Variants in USO1 observed in about 807,000 individuals in gnomAD.
USO1 encodes USO1 vesicle transport factor, also known as general vesicular transport factor p115.
In USO1, 57 loss-of-function variants were observed where a neutral mutation model predicts 124.5. That is an observed-to-expected ratio of 0.46 (90% CI 0.37 to 0.57). USO1 has a LOEUF of 0.57. USO1 is among the 20% of genes least tolerant of loss of function. USO1 has a pLI of 0.00. For synonymous variants in USO1, 369 were observed against 362.8 expected (o/e 1.02, Z -0.19); for missense variants, 900 against 1,040.6 (o/e 0.86, Z 1.86).
intron 1 of USO1, among the ~76,000 whole-genome samples, chr4:75,747,278 AATT>A (rs1227529329): frequency 1.3e-5 from 2 of 152,072 alleles, no homozygotes; most frequent in Non-Finnish European, 2.9e-5. Context: ...TTCTTTTTAA[AATT>A]ATTATTATAT....
Position 75,812,156 on chromosome 4 carries a change from CT to C in USO1, c.2584-3del. ...ATTCCTGCCTTTCACCTTTCTTTTCCTAGAATGAAATTAAAGCTCTGTCTGA... is the reference window on the plus strand; with the variant it reads ...ATTCCTGCCTTTCACCTTTCTTTTCCAGAATGAAATTAAAGCTCTGTCTGA... On this transcript the variant is annotated splice_region_variant and splice_polypyrimidine_tract_variant and intron_variant, in intron 22 of 23. Coordinates refer to ENST00000514213, the MANE Select transcript of USO1 (RefSeq NM_003715.4). 1 of 1,593,652 alleles carries C rather than the reference CT, an allele frequency of 6.3e-7. No individual in the cohort carries two copies. Among genetic ancestry groups the C allele is most frequent in the Non-Finnish European group, 8.5e-7 (1 of 1,169,722 alleles).
intron 20 of USO1, among the ~76,000 whole-genome samples, chr4:75,806,939 T>A (rs1484027438): frequency 6.6e-6 from 1 of 152,146 alleles, no homozygotes; most frequent in Non-Finnish European, 1.5e-5. Flanking sequence ...ATGGGGTTTT[T>A]AAACTGTTTT....
chr4:75,809,915 A>G (rs1347592055), intron 21 of USO1, among the ~76,000 whole-genome samples: 1 of 152,130 alleles, frequency 6.6e-6, no homozygotes, highest in African/African-American at 2.4e-5. Context: ...ACATTTTTAG[A>G]TATTTGTTGT....
chr4:75,724,912 T>G lies in USO1; in HGVS notation c.66+27T>G, dbSNP rs2149130860. 4 of 1,610,404 alleles carry G rather than the reference T, an allele frequency of 2.5e-6. No individual in the cohort carries two copies. The Admixed American group carries it at 6.7e-5, about 27-fold the overall frequency. On this transcript the variant is annotated intron_variant, in intron 1 of 23. Transcript: ENST00000514213. The stretch of plus-strand genomic sequence containing the variant: ...TGAGAGGAGCAGCGGGTCTGGGACT[T>G]GGGAAGGGGTCCGGGCAGGGACGGG...
chr4:75,750,183 C>G (rs1577935867), intron 1 of USO1, among the ~76,000 whole-genome samples: 1 of 152,112 alleles, frequency 6.6e-6, no homozygotes, highest in East Asian at 1.9e-4. Context: ...CCTGTAATCC[C>G]AGCACTTTGG....
rs552494556 is a variant in USO1 at position 75,733,327 on chromosome 4, C to G, written c.66+8442C>G. On this transcript the variant is annotated intron_variant, in intron 1 of 23. Coordinates refer to ENST00000514213, the MANE Select transcript of USO1 (RefSeq NM_003715.4). ...ATGACAAATATTTGTTGAAAAAATA[C>G]AGTAGTGAGACTGCTGGGTCGAATG... is the stretch of plus-strand genomic sequence containing the variant. Among the ~76,000 whole-genome samples the G allele has an allele frequency of 1.0e-3, 156 of 152,196 alleles. 4 individuals carry two copies. In the South Asian group the frequency reaches 0.03, roughly 30 times the overall value.
At chr4:75,729,912 T>C in intron 1 of USO1, 1 of 409,438 alleles carries the variant, frequency 2.4e-6, no homozygotes, top group African/African-American at 2.1e-5. Context: ...TTAAAGAGTG[T>C]GGACTTAAAT....
Position 75,813,319 on chromosome 4 carries a change from G to A in USO1, c.*24G>A, listed in dbSNP as rs1723204211. Reference sequence around the variant, plus strand: ...AGTTTTCAAATCTCTAGGAACAATAGAGATTATATCATAACTCTGAAGATG... The same window carrying A: ...AGTTTTCAAATCTCTAGGAACAATAAAGATTATATCATAACTCTGAAGATG... On this transcript the variant is annotated 3_prime_UTR_variant, in exon 24 of 24. Transcript: ENST00000514213. 6.4e-7 allele frequency: 1 copy of A among 1,564,940 alleles called. No individual in the cohort carries two copies. The highest frequency in any genetic ancestry group is 1.4e-5 in the African/African-American group (1 of 71,922).
In USO1 at chr4:75,777,565, A is replaced by G. The variant is rs141014512; in HGVS notation, c.676+2769A>G. The stretch of plus-strand genomic sequence containing the variant: ...CAGACATCTCACCAAAAAGATATAC[A>G]GATGGCAAATGACCATATGAAAAGA... On this transcript the variant is annotated intron_variant, in intron 8 of 23. Transcript: ENST00000514213. Among the ~76,000 whole-genome samples, 216 of 152,362 alleles carry G rather than the reference A, an allele frequency of 1.4e-3. 1 individual carries two copies. Among genetic ancestry groups the G allele is most frequent in the South Asian group, 7.2e-3 (35 of 4,832 alleles).
At chr4:75,742,345 AT>A (rs1222133075) in intron 1 of USO1, among the ~76,000 whole-genome samples, 4 of 152,260 alleles carry the variant, frequency 2.6e-5, no homozygotes, top group Non-Finnish European at 5.9e-5. Context: ...GGTGATAGGA[AT>A]TTTGCATTTC....
At chr4:75,727,972 G>T (rs1720513094) in intron 1 of USO1, among the ~76,000 whole-genome samples, 1 of 152,064 alleles carries the variant, frequency 6.6e-6, no homozygotes, top group Non-Finnish European at 1.5e-5. Flanking sequence ...TTTAGGGCAG[G>T]GTTCATAATG....
At chr4:75,768,118 G>C (rs887710626) in intron 4 of USO1, among the ~76,000 whole-genome samples, 3 of 152,114 alleles carry the variant, frequency 2.0e-5, no homozygotes, top group African/African-American at 7.2e-5. Context: ...CTGGGCTCAA[G>C]GGATCCTCCC....
chr4:75,761,238 T>A (rs1412237674), intron 4 of USO1, among the ~76,000 whole-genome samples: 2 of 152,106 alleles, frequency 1.3e-5, no homozygotes, highest in Non-Finnish European at 2.9e-5. Flanking sequence ...TGGAAAAAAG[T>A]TTTTAGACAG....
At chr4:75,741,601 C>CTTTT (rs34702586) in intron 1 of USO1, among the ~76,000 whole-genome samples, 13 of 78,844 alleles carry the variant, frequency 1.6e-4, no homozygotes, top group Non-Finnish European at 2.5e-4. Context: ...ACTTTTTAAA[C>CTTTT]TTTTTTTTTT....
At chr4:75,777,668 A>C (rs1303529577) in intron 8 of USO1, among the ~76,000 whole-genome samples, 1 of 152,210 alleles carries the variant, frequency 6.6e-6, no homozygotes. Flanking sequence ...GAATGAGGAA[A>C]ACTAAAGAAA....
At chr4:75,768,297 G>A (rs1721825842) in intron 4 of USO1, among the ~76,000 whole-genome samples, 1 of 152,224 alleles carries the variant, frequency 6.6e-6, no homozygotes, top group Admixed American at 6.5e-5. Context: ...ACAGGTGGGA[G>A]CCACTGTACC....
In USO1 at chr4:75,729,350, G is replaced by C. The variant is rs555806692; in HGVS notation, c.66+4465G>C. 2.4e-4 allele frequency among the ~76,000 whole-genome samples: 37 copies of C among 151,150 alleles called. No homozygotes were observed. The East Asian group carries it at 4.1e-3, about 17-fold the overall frequency. The stretch of plus-strand genomic sequence containing the variant: ...TATCTAGCACCTTTTTTTTGGGTAG[G>C]GGGGTGGGGTACGAAGTCTCGCTCT... On this transcript the variant is annotated intron_variant, in intron 1 of 23. Coordinates refer to ENST00000514213, the MANE Select transcript of USO1 (RefSeq NM_003715.4).
At chr4:75,775,190 C>G (rs918592880) in intron 8 of USO1, among the ~76,000 whole-genome samples, 1 of 152,076 alleles carries the variant, frequency 6.6e-6, no homozygotes, top group Non-Finnish European at 1.5e-5. Context: ...TAGAAATAGT[C>G]TTTTGGAGAA....
chr4:75,747,475 A>G (rs141336296), intron 1 of USO1, among the ~76,000 whole-genome samples: 13 of 151,844 alleles, frequency 8.6e-5, no homozygotes, highest in East Asian at 5.8e-4. Context: ...GGATCTCACT[A>G]TGTTGCCCAG....
Sources: allele counts gnomAD v4.1 joint callset (sites outside exome capture counted in the v4.1 genomes callset), GRCh38; gene constraint gnomAD v4.1.1; transcripts MANE v1.5; gene names NCBI Gene and HGNC (gene_info 2026-07-23, HGNC 2026-07-21).